The following CTNNA2 variants were observed in gnomAD, a reference collection of about 807,000 sequenced individuals.
CTNNA2 encodes the protein catenin alpha 2.
Under a neutral mutation model 101.0 loss-of-function variants are expected in CTNNA2, and 42 were observed. That is an observed-to-expected ratio of 0.42 (90% CI 0.32 to 0.54). The LOEUF is 0.54. Among genes scored for constraint, CTNNA2 ranks in the 20% least tolerant of loss-of-function variants. CTNNA2 has a pLI of 0.14. For synonymous variants in CTNNA2, 450 were observed against 456.4 expected, an observed-to-expected ratio of 0.99 and a Z score of 0.18; for missense variants, 871 against 1,223.1, an observed-to-expected ratio of 0.71 and a Z score of 4.29.
intron 2 of CTNNA2, among the ~76,000 whole-genome samples, chr2:79,704,093 A>G (rs1015940077): frequency 1.3e-5 from 2 of 152,190 alleles, no homozygotes; most frequent in Non-Finnish European, 2.9e-5. Context: ...AGATATATAC[A>G]TTCACACATA....
In CTNNA2 at chr2:80,303,481, G is replaced by A. The variant is rs757711718; in HGVS notation, c.1057-89730G>A. The A allele has an allele frequency of 6.2e-7, 1 of 1,614,212 alleles. No individual in the cohort carries two copies. The highest frequency in any genetic ancestry group is 1.1e-5 in the South Asian group (1 of 91,088). On this transcript the variant is annotated intron_variant, in intron 7 of 18. Transcript: ENST00000402739. This position sits in a 1 kb window ranked among gnomAD's most constrained non-coding sequence, Gnocchi z 7.7. ...AACTCAGCGTGAGTTCCTTAACTCG[G>A]CGCAGTTTCTGAAAGGCGTCCCCCT...
rs182894885 is a variant in CTNNA2 at position 80,627,214 on chromosome 2, T to A, written c.2574+7986T>A. 3.3e-3 allele frequency among the ~76,000 whole-genome samples: 497 copies of A among 152,292 alleles called. 10 individuals are homozygous for A. Among genetic ancestry groups the A allele is most frequent in the Non-Finnish European group, 1.0e-3 (71 of 68,034 alleles). On this transcript the variant is annotated intron_variant, in intron 18 of 18. Transcript: ENST00000402739. ...GTCTTTATAGTAAAATGATTTATAA[T>A]CCTTTGGGCATTTACCCAGTAATGG... is the stretch of plus-strand genomic sequence containing the variant.
intron 9 of CTNNA2, among the ~76,000 whole-genome samples, chr2:80,451,114 T>C (rs2149456388): frequency 6.6e-6 from 1 of 152,162 alleles, no homozygotes; most frequent in East Asian, 1.9e-4. Context: ...TGTGCCACGG[T>C]GTGTAGGTGA....
intron 9 of CTNNA2, among the ~76,000 whole-genome samples, chr2:80,444,643 T>A (rs779721567): frequency 6.6e-6 from 1 of 151,916 alleles, no homozygotes; most frequent in African/African-American, 2.4e-5. Flanking sequence ...GATAATAAGG[T>A]TTAGATGAGG....
chr2:80,327,935 G>A (rs1036132642), intron 7 of CTNNA2, among the ~76,000 whole-genome samples: 70 of 152,194 alleles, frequency 4.6e-4, no homozygotes, highest in African/African-American at 1.7e-3. Context: ...ATGTATAAAT[G>A]TTTTTTTATT....
intron 7 of CTNNA2, among the ~76,000 whole-genome samples, chr2:79,960,058 T>G (rs1689522068): frequency 6.6e-6 from 1 of 152,228 alleles, no homozygotes; most frequent in African/African-American, 2.4e-5. Context: ...GAAGGTGTAT[T>G]TATTGTTGAG....
intron 7 of CTNNA2, among the ~76,000 whole-genome samples, chr2:79,921,342 A>T (rs1686641040): frequency 1.3e-5 from 2 of 152,238 alleles, no homozygotes; most frequent in Admixed American, 1.3e-4. Context: ...GTAAGAAATC[A>T]TCAAGTGAAA....
chr2:79,880,235 A>G (rs1305598403), intron 6 of CTNNA2, among the ~76,000 whole-genome samples: 1 of 151,834 alleles, frequency 6.6e-6, no homozygotes, highest in African/African-American at 2.4e-5. Context: ...TTGATTGAGG[A>G]TTTTTGCTTT....
In CTNNA2 at chr2:80,546,003, C is replaced by A. The variant is rs778294237; in HGVS notation, c.1480C>A (p.Arg494=). The change falls in exon 11 of 19, where the codon CGA becomes AGA. Residue 494 remains arginine (R), a synonymous_variant. Coordinates refer to ENST00000402739, the MANE Select transcript of CTNNA2 (RefSeq NM_001282597.3). ...CAAAGACCAGTGGGAGAAGCAGGTC[C>A]GAGTGTTGACAGAGGCCGTGGATGA... The part of the protein sequence containing the change: ...VFKDQWEKQV[R]VLTEAVDDIT... 2 of 1,613,954 alleles carry A rather than the reference C, an allele frequency of 1.2e-6. No homozygotes were observed. The highest frequency in any genetic ancestry group is 1.3e-5 in the African/African-American group (1 of 74,918).
At chr2:79,813,733 G>C (rs1677232091) in intron 3 of CTNNA2, among the ~76,000 whole-genome samples, 1 of 152,120 alleles carries the variant, frequency 6.6e-6, no homozygotes, top group Admixed American at 6.6e-5. Flanking sequence ...AAGTTCTTTC[G>C]AGAATCTGAT....
chr2:79,328,613 C>T (rs1314999938), intron 3 of CTNNA2, among the ~76,000 whole-genome samples: 1 of 151,896 alleles, frequency 6.6e-6, no homozygotes, highest in East Asian at 1.9e-4. Context: ...AGGATGATAA[C>T]GAAAAACACT....
At chr2:79,481,554 T>C (rs1286675995) in intron 4 of CTNNA2, among the ~76,000 whole-genome samples, 1 of 152,142 alleles carries the variant, frequency 6.6e-6, no homozygotes, top group African/African-American at 2.4e-5. Context: ...TCTTAGTAAG[T>C]GTTCTTAACA....
chr2:80,624,660 T>C (rs1418545201), intron 18 of CTNNA2, among the ~76,000 whole-genome samples: 1 of 147,184 alleles, frequency 6.8e-6, no homozygotes, highest in Admixed American at 6.6e-5. Flanking sequence ...TTATTTTTTT[T>C]ATTTGAGAAT....
intron 1 of CTNNA2, among the ~76,000 whole-genome samples, chr2:79,556,190 T>C (rs1160921173): frequency 6.6e-6 from 1 of 152,112 alleles, no homozygotes; most frequent in African/African-American, 2.4e-5. Flanking sequence ...AATATAATAA[T>C]GATAGATTTA....
intron 1 of CTNNA2, among the ~76,000 whole-genome samples, chr2:79,597,086 A>G (rs558199213): frequency 6.6e-6 from 1 of 152,292 alleles, no homozygotes; most frequent in Admixed American, 6.5e-5. Context: ...ACAGTATTAA[A>G]TATTCACAAA....
intron 3 of CTNNA2, among the ~76,000 whole-genome samples, chr2:79,850,794 G>A (rs554157015): frequency 6.6e-5 from 10 of 152,264 alleles, no homozygotes; most frequent in African/African-American, 2.4e-4. Flanking sequence ...TAAAAGAGTT[G>A]ATACAGGTTA....
chr2:80,551,523 C>T, intron 11 of CTNNA2, among the ~76,000 whole-genome samples: 1 of 152,232 alleles, frequency 6.6e-6, no homozygotes, highest in African/African-American at 2.4e-5. Context: ...GGCACAGGTT[C>T]TATCTACATC....
At chr2:79,935,435 T>C (rs1687722332) in intron 7 of CTNNA2, among the ~76,000 whole-genome samples, 1 of 152,098 alleles carries the variant, frequency 6.6e-6, no homozygotes, top group Non-Finnish European at 1.5e-5. Flanking sequence ...GATATATGCT[T>C]TACTCAGATT....
At chr2:79,299,233 G>A (rs1676051315) in intron 2 of CTNNA2, among the ~76,000 whole-genome samples, 1 of 152,130 alleles carries the variant, frequency 6.6e-6, no homozygotes, top group Admixed American at 6.6e-5. Flanking sequence ...AGCTCTCAGA[G>A]TCTTGCTATT....
Sources: allele counts gnomAD v4.1 joint callset (sites outside exome capture counted in the v4.1 genomes callset), GRCh38; gene constraint gnomAD v4.1.1; non-coding constraint Gnocchi (gnomAD v3.1); transcripts MANE v1.5; gene names NCBI Gene and HGNC (gene_info 2026-07-23, HGNC 2026-07-21).